The following WARS1 variants were observed in gnomAD, a reference collection of about 807,000 sequenced individuals.
WARS1 encodes tryptophan--tRNA ligase, cytoplasmic.
In WARS1, 17 loss-of-function variants were observed where a neutral mutation model predicts 47.8. The observed-to-expected ratio is 0.36, with a 90% CI of 0.24 to 0.53. The LOEUF is 0.53. Among genes scored for constraint, WARS1 ranks in the 20% least tolerant of loss-of-function variants. WARS1 has a pLI of 0.91. For missense variants in WARS1, 434 were observed against 608.0 expected, an observed-to-expected ratio of 0.71 and a Z score of 3.01; for synonymous variants, 208 against 228.1, an observed-to-expected ratio of 0.91 and a Z score of 0.79.
At chr14:100,376,210 C>A, upstream of WARS1, 1 of 318,290 alleles carries the variant, frequency 3.1e-6, no homozygotes, top group Non-Finnish European at 5.4e-6. Flanking sequence ...CCCTCCATCA[C>A]TCCCTCCCTT....
chr14:100,347,310 AG>A (rs1894686066), intron 6 of WARS1, among the ~76,000 whole-genome samples: 1 of 152,150 alleles, frequency 6.6e-6, no homozygotes, highest in Non-Finnish European at 1.5e-5. Flanking sequence ...CCACGGCCCG[AG>A]AAGGAGGAAG....
intron 7 of WARS1, among the ~76,000 whole-genome samples, chr14:100,344,234 CG>C (rs1371249992): frequency 2.0e-5 from 3 of 152,134 alleles, no homozygotes; most frequent in Non-Finnish European, 1.5e-5. Context: ...AGGCGCGCGC[CG>C]CCACGCCTGA....
intron 2 of WARS1, among the ~76,000 whole-genome samples, chr14:100,362,947 A>G (rs1895743236): frequency 6.6e-6 from 1 of 152,236 alleles, no homozygotes; most frequent in African/African-American, 2.4e-5. Context: ...TTCAAACTAC[A>G]AAATTATCTG....
At chr14:100,344,617 C>G (rs1399034979) in intron 7 of WARS1, among the ~76,000 whole-genome samples, 2 of 150,266 alleles carry the variant, frequency 1.3e-5, no homozygotes, top group Non-Finnish European at 2.9e-5. Context: ...TGCCCGGCCG[C>G]CATCCCATCT....
At chr14:100,356,506 G>A (rs942550801) in intron 4 of WARS1, among the ~76,000 whole-genome samples, 2 of 151,980 alleles carry the variant, frequency 1.3e-5, no homozygotes, top group Non-Finnish European at 2.9e-5. Flanking sequence ...CTACATAAGG[G>A]AATACTATGA....
chr14:100,348,265 G>T (rs953065769), intron 6 of WARS1, among the ~76,000 whole-genome samples: 5 of 152,218 alleles, frequency 3.3e-5, no homozygotes, highest in Non-Finnish European at 5.9e-5. Context: ...CTTTGTGCAG[G>T]TGGGGTGGGG....
chr14:100,335,376 CT>C (rs1346702374), intron 10 of WARS1, among the ~76,000 whole-genome samples: 1 of 141,498 alleles, frequency 7.1e-6, no homozygotes, highest in Non-Finnish European at 1.6e-5. Context: ...TCTGTAAAAT[CT>C]TGCTAATTTT....
intron 10 of WARS1, among the ~76,000 whole-genome samples, chr14:100,336,076 C>A (rs1434183024): frequency 6.6e-6 from 1 of 151,592 alleles, no homozygotes; most frequent in East Asian, 2.0e-4. Flanking sequence ...GAGGTCGAGA[C>A]CATCTTGAAT....
chr14:100,350,082 T>A (rs964966987), intron 6 of WARS1, among the ~76,000 whole-genome samples: 5 of 152,186 alleles, frequency 3.3e-5, no homozygotes, highest in Non-Finnish European at 7.3e-5. Flanking sequence ...CTGGGTTTCA[T>A]CTTTACCCCA....
At chr14:100,368,091 G>A (rs117476827) in intron 2 of WARS1, among the ~76,000 whole-genome samples, 2 of 152,338 alleles carry the variant, frequency 1.3e-5, no homozygotes, top group East Asian at 3.9e-4. Flanking sequence ...TCAGAGGGAA[G>A]CAGGCAGAAG....
chr14:100,371,154 A>G (rs1896321600), intron 1 of WARS1, among the ~76,000 whole-genome samples: 6 of 152,154 alleles, frequency 3.9e-5, no homozygotes, highest in Admixed American at 3.9e-4. Context: ...TTGCTTTAAA[A>G]GTACGTAAAT....
chr14:100,349,684 T>A (rs547522359), intron 6 of WARS1, among the ~76,000 whole-genome samples: 1 of 152,330 alleles, frequency 6.6e-6, no homozygotes, highest in African/African-American at 2.4e-5. Flanking sequence ...ACACAAGTTT[T>A]CAGACTCCCA....
intron 8 of WARS1, among the ~76,000 whole-genome samples, chr14:100,342,828 T>C (rs1415819770): frequency 6.6e-6 from 1 of 152,038 alleles, no homozygotes; most frequent in Non-Finnish European, 1.5e-5. Context: ...CAACCCGTCA[T>C]CTAGGTTTTA....
upstream of WARS1, chr14:100,375,376 T>C (rs377701894): frequency 7.2e-5 from 11 of 152,390 alleles, 1 homozygote; most frequent in African/African-American, 2.6e-4. Flanking sequence ...TGGTCTTTAA[T>C]ACTCTTCCCC....
chr14:100,359,063 G>T (rs976379067), intron 4 of WARS1, among the ~76,000 whole-genome samples: 1 of 152,186 alleles, frequency 6.6e-6, no homozygotes, highest in Non-Finnish European at 1.5e-5. Flanking sequence ...TTCCTATGTT[G>T]CTGGTGGGAA....
At chr14:100,342,715 CTTT>C (rs1389060111) in intron 8 of WARS1, 144 bp from the exon 9 acceptor site, 2 of 581,900 alleles carry the variant, frequency 3.4e-6, no homozygotes, top group African/African-American at 2.0e-5. Flanking sequence ...TCATCTTTTC[CTTT>C]TTTTTTTTTA....
rs538470879 is a variant in WARS1, at chr14:100,335,088, G to A, written c.1255-52C>T. 13 of 1,569,022 alleles carry A rather than the reference G, an allele frequency of 8.3e-6. No homozygotes were observed. The South Asian group carries it at 1.4e-4, about 17-fold the overall frequency. ...GAGATGGCTCCACATGTCCTGAGTG[G>A]CTCCTTCCTGCCTCGGGCACCAGCT... On this transcript the variant is annotated intron_variant, in intron 10 of 10. Transcript: ENST00000392882.
intron 8 of WARS1, 92 bp downstream of exon 8, chr14:100,343,183 C>T: frequency 8.9e-7 from 1 of 1,122,952 alleles, no homozygotes. Flanking sequence ...GGCTGCCCAT[C>T]ATATCTTTCA....
chr14:100,343,497 A>G (rs1308937795), intron 7 of WARS1, 110 bp from the exon 8 acceptor site: 1 of 730,038 alleles, frequency 1.4e-6, no homozygotes, highest in East Asian at 3.1e-5. Context: ...AATCATTAAA[A>G]TAAATCTAAA....
Sources: allele counts gnomAD v4.1 joint callset (sites outside exome capture counted in the v4.1 genomes callset), GRCh38; gene constraint gnomAD v4.1.1; transcripts MANE v1.5; gene names NCBI Gene and HGNC (gene_info 2026-07-23, HGNC 2026-07-21).